APP: variants seen among roughly 807,000 people sequenced by gnomAD.
The protein encoded by APP is amyloid-beta precursor protein.
Under a neutral mutation model 101.4 loss-of-function variants are expected in APP, and 31 were observed. The observed-to-expected ratio is 0.31, with a 90% CI of 0.23 to 0.41. APP has a LOEUF of 0.41. Ranked by LOEUF, APP falls within the 10% of genes least tolerant of loss-of-function variation. The pLI is 1.00. For missense variants in APP, 839 were observed against 1,003.7 expected, an observed-to-expected ratio of 0.84 and a Z score of 2.22; for synonymous variants, 366 against 364.4, an observed-to-expected ratio of 1.00 and a Z score of -0.05.
chr21:26,133,557 G>A (rs772077875), intron 1 of APP, among the ~76,000 whole-genome samples: 3 of 152,112 alleles, frequency 2.0e-5, no homozygotes, highest in South Asian at 2.1e-4. Flanking sequence ...AGGCCGAGGC[G>A]GGTGGGATCA....
At chr21:26,154,203 A>C (rs1264586752) in intron 1 of APP, among the ~76,000 whole-genome samples, 1 of 152,218 alleles carries the variant, frequency 6.6e-6, no homozygotes, top group East Asian at 1.9e-4. Context: ...GAGGTAAATG[A>C]AATCTTAATA....
intron 3 of APP, among the ~76,000 whole-genome samples, chr21:26,059,096 A>C (rs1390608537): frequency 6.6e-6 from 1 of 151,848 alleles, no homozygotes; most frequent in Non-Finnish European, 1.5e-5. Context: ...AAAAAATAAT[A>C]ATAAAGACAT....
At chr21:25,883,478 T>TC (rs1390990526) in intron 17 of APP, among the ~76,000 whole-genome samples, 1 of 151,744 alleles carries the variant, frequency 6.6e-6, no homozygotes. Flanking sequence ...GATCACGAGG[T>TC]CGGGAGTTTG....
At chr21:26,021,809 G>A in intron 6 of APP, 31 bp downstream of exon 6, 1 of 1,609,344 alleles carries the variant, frequency 6.2e-7, no homozygotes. Flanking sequence ...TTCCTTGGGG[G>A]TGGGGGGAAT....
chr21:25,883,285 C>G (rs1360892977), intron 17 of APP, among the ~76,000 whole-genome samples: 1 of 151,940 alleles, frequency 6.6e-6, no homozygotes, highest in African/African-American at 2.4e-5. Context: ...CGCCTGTAAT[C>G]CCAGCTGCTC....
chr21:25,956,514 C>T (rs2041328604), intron 11 of APP, among the ~76,000 whole-genome samples: 1 of 152,176 alleles, frequency 6.6e-6, no homozygotes, highest in South Asian at 2.1e-4. Context: ...TCACTATATG[C>T]ATTCCACTAC....
intron 3 of APP, among the ~76,000 whole-genome samples, chr21:26,088,110 T>C (rs2061740322): frequency 1.3e-5 from 2 of 152,134 alleles, no homozygotes; most frequent in African/African-American, 4.8e-5. Context: ...GTGCTGGGAT[T>C]ATAGGCTTGA....
In APP at chr21:26,130,444, G is replaced by A. The variant is rs2062771397; in HGVS notation, c.58-18298C>T. On this transcript the variant is annotated intron_variant, in intron 1 of 17. Transcript: ENST00000346798. ...AGAGAAGCTCTGCAGGAAACAGCAA[G>A]GCCACTCTCCATAAGGAGACAGGCT... Among the ~76,000 whole-genome samples, 5 of 152,348 alleles carry A rather than the reference G, an allele frequency of 3.3e-5. No individual in the cohort carries two copies. In the South Asian group the frequency reaches 8.3e-4, roughly 25 times the overall value.
At chr21:26,136,170 A>AAGG (rs2062904621) in intron 1 of APP, among the ~76,000 whole-genome samples, 1 of 5,906 alleles carries the variant, frequency 1.7e-4, no homozygotes, top group Non-Finnish European at 2.9e-4. Context: ...AAAAGAAAGA[A>AAGG]AAGAAAGAAA....
intron 1 of APP, among the ~76,000 whole-genome samples, chr21:26,125,821 T>C (rs2062671468): frequency 6.6e-6 from 1 of 152,194 alleles, no homozygotes; most frequent in South Asian, 2.1e-4. Context: ...CCTTGAGTGA[T>C]GGGAACTTAT....
chr21:26,170,155 G>A (rs768148994), intron 1 of APP, among the ~76,000 whole-genome samples: 2 of 152,198 alleles, frequency 1.3e-5, no homozygotes, highest in South Asian at 2.1e-4. Context: ...ATTCAAGAGC[G>A]AAGGACTGGC....
At chr21:26,003,773 T>C (rs1392673688) in intron 6 of APP, among the ~76,000 whole-genome samples, 1 of 152,144 alleles carries the variant, frequency 6.6e-6, no homozygotes, top group African/African-American at 2.4e-5. Flanking sequence ...TTCCCCCAAT[T>C]GTCAGCAACC....
chr21:26,170,816 G>T, upstream of APP: 1 of 552,438 alleles, frequency 1.8e-6, no homozygotes, highest in Non-Finnish European at 3.0e-6. Flanking sequence ...CGAGTCAGCT[G>T]ATCCGGCCCA....
chr21:25,921,586 T>C (rs540707080), intron 13 of APP, among the ~76,000 whole-genome samples: 2,313 of 145,864 alleles, frequency 0.016, 27 homozygotes, highest in Middle Eastern at 0.038. Flanking sequence ...CATCAGAGAA[T>C]ACTACAAAAA....
intron 1 of APP, among the ~76,000 whole-genome samples, chr21:26,147,797 T>TA (rs943427560): frequency 3.7e-4 from 56 of 150,020 alleles, no homozygotes; most frequent in African/African-American, 1.2e-3. Context: ...CACACCGGGC[T>TA]AATCAGAACA....
chr21:26,104,492 C>G (rs2062136559), intron 2 of APP, among the ~76,000 whole-genome samples: 1 of 152,054 alleles, frequency 6.6e-6, no homozygotes, highest in African/African-American at 2.4e-5. Flanking sequence ...CAATTTAAAC[C>G]ATAAGATCCA....
At chr21:25,922,899 C>G (rs2039692745) in intron 13 of APP, among the ~76,000 whole-genome samples, 3 of 127,328 alleles carry the variant, frequency 2.4e-5, no homozygotes, top group African/African-American at 1.0e-4. Flanking sequence ...CATATGGAAC[C>G]AAAAAAGAGC....
At chr21:26,067,442 T>C (rs778158435) in intron 3 of APP, among the ~76,000 whole-genome samples, 43 of 152,236 alleles carry the variant, frequency 2.8e-4, no homozygotes, top group Non-Finnish European at 5.7e-4. Flanking sequence ...GAGTAGTGAC[T>C]TGAATGTGGA....
At chr21:26,109,729 TG>T (rs11332971) in intron 2 of APP, among the ~76,000 whole-genome samples, 152,284 of 152,284 alleles carry the variant, frequency 1, 76,142 homozygotes, top group Non-Finnish European at 1. Context: ...GAGTAATTTT[TG>T]GTATGGCCAC....
Sources: allele counts gnomAD v4.1 joint callset (sites outside exome capture counted in the v4.1 genomes callset), GRCh38; gene constraint gnomAD v4.1.1; transcripts MANE v1.5; gene names NCBI Gene and HGNC (gene_info 2026-07-23, HGNC 2026-07-21).